Variants in OTOP1 observed in about 807,000 individuals in gnomAD.
OTOP1 encodes the protein proton channel OTOP1.
In OTOP1, 59 loss-of-function variants were observed where a neutral mutation model predicts 52.9. That is an observed-to-expected ratio of 1.12 (90% confidence interval 0.91 to 1.39). OTOP1 has a LOEUF of 1.39. Ranked by LOEUF, OTOP1 falls within the 40% of genes most tolerant of loss-of-function variation. The probability of loss-of-function intolerance (pLI) is 0.00; values close to 1 mark genes in which losing one functional copy is unlikely to be tolerated. For synonymous variants in OTOP1, 317 were observed against 337.7 expected (o/e 0.94, Z 0.67); for missense variants, 761 against 800.9 (o/e 0.95, Z 0.60).
intron 5 of OTOP1, among the ~76,000 whole-genome samples, chr4:4,189,566 C>T (rs1015709262): frequency 1.7e-4 from 26 of 152,312 alleles, no homozygotes; most frequent in African/African-American, 6.0e-4. Context: ...CAGTCACCCC[C>T]TTGTGGAGTC....
chr4:4,197,660 C>G lies in OTOP1; in HGVS notation c.1174G>C (p.Asp392His). ...CCCGAGGCAGTGCCCACCAAGAGGT[C>G]CGAGTCCAGTTTGCGGGCCGGATTT... ...SKNPARKLDS[D>H]LLVGTASGSW... The change falls in exon 5 of 6, where the codon GAC (aspartate) becomes CAC (histidine). Residue 392 changes from aspartate (D) to histidine (H), a missense_variant. Around this residue, in one of 3 missense-constraint regions of OTOP1, gnomAD observed 632 missense variants for 619.5 expected, o/e 1.02. Transcript: ENST00000296358. 6.2e-7 allele frequency: 1 copy of G among 1,613,666 alleles called. No individual in the cohort carries two copies. The highest frequency in any genetic ancestry group is 8.5e-7 in the Non-Finnish European group (1 of 1,179,972).
At chr4:4,219,439 C>T (rs1481559932) in intron 1 of OTOP1, among the ~76,000 whole-genome samples, 4 of 151,948 alleles carry the variant, frequency 2.6e-5, no homozygotes, top group African/African-American at 7.2e-5. Context: ...CGGTGGCTCA[C>T]GCCTGTAATC....
chr4:4,206,147 A>C lies in OTOP1; in HGVS notation c.541-17T>G. 2 of 1,575,646 alleles carry C rather than the reference A, an allele frequency of 1.3e-6. No homozygotes were observed. The highest frequency in any genetic ancestry group is 1.7e-6 in the Non-Finnish European group (2 of 1,147,760). On this transcript the variant is annotated splice_polypyrimidine_tract_variant and intron_variant, in intron 2 of 5. Coordinates refer to ENST00000296358, the MANE Select transcript of OTOP1 (RefSeq NM_177998.3). ...AAAATATACCTAGATGGAAATAAAGAAAGAAAAGAAAAATCGGTGAGACAC... is the reference window on the plus strand; with the variant it reads ...AAAATATACCTAGATGGAAATAAAGCAAGAAAAGAAAAATCGGTGAGACAC...
rs1325495560 is a variant in OTOP1, at chr4:4,226,868, C to G, written c.-4G>C. 2.2e-5 allele frequency: 29 copies of G among 1,322,246 alleles called. No homozygotes were observed. The highest frequency in any genetic ancestry group is 2.6e-5 in the Non-Finnish European group (27 of 1,039,950). 81.9% of individuals were successfully genotyped at this position (1,322,246 alleles called of 1,614,324 possible). Reference sequence around the variant, plus strand: ...GCGACCCCAGGCCCTCGAGCATCTTCGAGACACCCGCGCCAAGTCTGGTCC... The same window carrying G: ...GCGACCCCAGGCCCTCGAGCATCTTGGAGACACCCGCGCCAAGTCTGGTCC... On this transcript the variant is annotated 5_prime_UTR_variant, in exon 1 of 6. Transcript: ENST00000296358.
chr4:4,226,849 C>G lies in OTOP1; in HGVS notation c.16G>C (p.Gly6Arg), dbSNP rs890368600. 6.7e-6 allele frequency: 9 copies of G among 1,338,414 alleles called. No individual in the cohort carries two copies. The highest frequency in any genetic ancestry group is 7.6e-6 in the Non-Finnish European group (8 of 1,049,984). 82.9% of individuals were successfully genotyped at this position (1,338,414 alleles called of 1,614,324 possible). ...GCTGCCCGGGGCGAGGCGGGCGACC[C>G]CAGGCCCTCGAGCATCTTCGAGACA... MLEGL[G>R]SPASPRAAAS... Residue 6 changes from glycine to arginine, a missense_variant, in exon 1 of 6, where the codon GGG (glycine) becomes CGG (arginine). Physicochemically the swap from Gly to Arg is moderately radical, Grantham distance 125. Transcript: ENST00000296358.
chr4:4,188,848 T>C lies in OTOP1; in HGVS notation c.1794A>G (p.Arg598=). The C allele has an allele frequency of 6.2e-7, 1 of 1,613,878 alleles. No individual in the cohort carries two copies. The highest frequency in any genetic ancestry group is 8.5e-7 in the Non-Finnish European group (1 of 1,179,812). Residue 598 remains arginine (R), a synonymous_variant, in exon 6 of 6, where the codon CGA becomes CGG. Transcript: ENST00000296358. Reference sequence around the variant, plus strand: ...CAAAGAGGGAGGCAGCTGCGTGCATTCGATAGAAAATAGAAAAAGGCATGG... The same window carrying C: ...CAAAGAGGGAGGCAGCTGCGTGCATCCGATAGAAAATAGAAAAAGGCATGG... ...NLAMPFSIFY[R]MHAAASLFEV...
chr4:4,209,984 C>T (rs1211301139), intron 2 of OTOP1, among the ~76,000 whole-genome samples: 1 of 152,120 alleles, frequency 6.6e-6, no homozygotes, highest in African/African-American at 2.4e-5. Context: ...TGGCAGAAAT[C>T]GACCCTCACC....
intron 4 of OTOP1, among the ~76,000 whole-genome samples, chr4:4,200,368 G>A (rs1353712890): frequency 5.8e-4 from 88 of 151,726 alleles, no homozygotes; most frequent in Middle Eastern, 3.4e-3. Flanking sequence ...CCAGCTACTC[G>A]GGAGGCTGAT....
intron 5 of OTOP1, among the ~76,000 whole-genome samples, chr4:4,192,911 G>T (rs1238596545): frequency 6.6e-6 from 1 of 152,102 alleles, no homozygotes; most frequent in Non-Finnish European, 1.5e-5. Context: ...ATTTAATGAG[G>T]GCAGGGTTTC....
rs1716676086 is a variant in OTOP1, at chr4:4,197,714, T to G, written c.1120A>C (p.Ile374Leu). The G allele has an allele frequency of 6.2e-7, 1 of 1,613,632 alleles. No homozygotes were observed. The highest frequency in any genetic ancestry group is 1.1e-5 in the South Asian group (1 of 91,036). The change falls in exon 5 of 6, where the codon ATA becomes CTA. Residue 374 changes from isoleucine to leucine, a missense_variant. Transcript: ENST00000296358. ...AGLAGIRIYRIDEKSLDESKN... is the reference protein window; with the variant it reads ...AGLAGIRIYRLDEKSLDESKN... ...GACTCATCCAGTGACTTCTCGTCTA[T>G]CCTGTAAATCCGGATTCCAGCCAGC...
At chr4:4,199,584 T>A (rs1716733955) in intron 4 of OTOP1, among the ~76,000 whole-genome samples, 1 of 152,130 alleles carries the variant, frequency 6.6e-6, no homozygotes, top group South Asian at 2.1e-4. Context: ...GGCTAATTTT[T>A]ACATTTTTTG....
chr4:4,219,589 C>A (rs537930352), intron 1 of OTOP1, among the ~76,000 whole-genome samples: 1 of 151,154 alleles, frequency 6.6e-6, no homozygotes, highest in Non-Finnish European at 1.5e-5. Context: ...CCATGCTACT[C>A]GGTAGGCTGA....
At chr4:4,222,328 C>CA (rs912026469) in intron 1 of OTOP1, among the ~76,000 whole-genome samples, 1 of 152,162 alleles carries the variant, frequency 6.6e-6, no homozygotes, top group Non-Finnish European at 1.5e-5. Context: ...TGCTGAAAGA[C>CA]AGAGGATGGC....
chr4:4,220,019 ATG>A (rs2108805959), intron 1 of OTOP1, among the ~76,000 whole-genome samples: 59 of 118,114 alleles, frequency 5.0e-4, no homozygotes, highest in African/African-American at 2.1e-3. Context: ...ATGTATATAC[ATG>A]TATATACGTA....
In OTOP1 at chr4:4,197,602, G is replaced by C. The variant is rs1716671280; in HGVS notation, c.1232C>G (p.Ala411Gly). The C allele has an allele frequency of 6.2e-7, 1 of 1,613,804 alleles. No homozygotes were observed. Among genetic ancestry groups the C allele is most frequent in the Non-Finnish European group, 8.5e-7 (1 of 1,179,982 alleles). Residue 411 changes from alanine to glycine, a missense_variant, in exon 5 of 6, where the codon GCC (alanine) becomes GGC (glycine). Coordinates refer to ENST00000296358, the MANE Select transcript of OTOP1 (RefSeq NM_177998.3). Reference protein sequence around the residue: ...SWLISWGSILAILCAEGHPRY... With the variant: ...SWLISWGSILGILCAEGHPRY... ...GGGGTGGCCCTCAGCACAGAGGATG[G>C]CCAAGATTGAGCCCCAGGAGATAAG...
intron 1 of OTOP1, among the ~76,000 whole-genome samples, chr4:4,218,421 G>T (rs1381281477): frequency 6.6e-6 from 1 of 151,094 alleles, no homozygotes; most frequent in African/African-American, 2.4e-5. Context: ...GTTGGAAAAG[G>T]ACTGGATAGG....
chr4:4,193,288 C>T (rs1326845200), intron 5 of OTOP1, among the ~76,000 whole-genome samples: 2 of 152,126 alleles, frequency 1.3e-5, no homozygotes, highest in Non-Finnish European at 2.9e-5. Flanking sequence ...GCCCCATCTA[C>T]ACCATTCCTT....
chr4:4,208,373 T>A lies in OTOP1; in HGVS notation c.541-2243A>T, dbSNP rs573550172. 1.7e-3 allele frequency among the ~76,000 whole-genome samples: 262 copies of A among 152,304 alleles called. 2 individuals are homozygous for A. The highest frequency in any genetic ancestry group is 5.5e-3 in the African/African-American group (229 of 41,566). ...AGCTTGACTTTTCCCTTTGGCTTAGTGATTTTGGGGCCCCAAGATTTATTT... is the reference window on the plus strand; with the variant it reads ...AGCTTGACTTTTCCCTTTGGCTTAGAGATTTTGGGGCCCCAAGATTTATTT... On this transcript the variant is annotated intron_variant, in intron 2 of 5. Coordinates refer to ENST00000296358, the MANE Select transcript of OTOP1 (RefSeq NM_177998.3).
At chr4:4,209,421 AC>A (rs1431435802) in intron 2 of OTOP1, among the ~76,000 whole-genome samples, 1 of 152,204 alleles carries the variant, frequency 6.6e-6, no homozygotes, top group African/African-American at 2.4e-5. Flanking sequence ...TAATTCATTG[AC>A]TTGCCTGGCC....
Sources: gnomAD v4.1 joint callset for allele counts (sites outside exome capture counted in the v4.1 genomes callset) on GRCh38, gnomAD v4.1.1 for gene constraint, gnomAD v4.1.1 regional missense constraint, MANE v1.5 for transcripts, NCBI Gene and HGNC (gene_info 2026-07-23, HGNC 2026-07-21) for gene names.